The following RAP1GDS1 variants were observed in gnomAD, a reference collection of about 807,000 sequenced individuals.
The protein encoded by RAP1GDS1 is Rap1 GTPase-GDP dissociation stimulator 1.
Under a neutral mutation model 71.1 loss-of-function variants are expected in RAP1GDS1, and 35 were observed. The observed-to-expected ratio is 0.49, with a 90% CI of 0.38 to 0.65. The LOEUF is 0.65. RAP1GDS1 is among the 30% of genes least tolerant of loss of function. The probability of loss-of-function intolerance (pLI) is 0.00; values close to 1 mark genes in which losing one functional copy is unlikely to be tolerated. For synonymous variants in RAP1GDS1, 229 were observed against 243.1 expected (o/e 0.94, Z 0.54); for missense variants, 663 against 706.1 (o/e 0.94, Z 0.69).
intron 3 of RAP1GDS1, among the ~76,000 whole-genome samples, chr4:98,350,681 T>C (rs1297373825): frequency 6.6e-6 from 1 of 151,988 alleles, no homozygotes; most frequent in East Asian, 1.9e-4. Context: ...CTACTAAAAA[T>C]ACAAAAATTA....
intron 1 of RAP1GDS1, among the ~76,000 whole-genome samples, chr4:98,267,639 C>A (rs1455910268): frequency 1.3e-5 from 2 of 152,146 alleles, no homozygotes; most frequent in Non-Finnish European, 2.9e-5. Context: ...AGGATAGTGG[C>A]CTCCAGCTCC....
At chr4:98,265,291 G>A (rs1328775993) in intron 1 of RAP1GDS1, among the ~76,000 whole-genome samples, 1 of 152,166 alleles carries the variant, frequency 6.6e-6, no homozygotes, top group East Asian at 1.9e-4. Flanking sequence ...TGATAATGAG[G>A]ATACGAGAAT....
chr4:98,438,784 G>A (rs186149750), intron 14 of RAP1GDS1, among the ~76,000 whole-genome samples: 54 of 151,274 alleles, frequency 3.6e-4, no homozygotes, highest in Admixed American at 1.3e-3. Flanking sequence ...TAGTACAGGC[G>A]GGGTTTCACT....
At chr4:98,394,020 T>C (rs1425810128) in intron 6 of RAP1GDS1, among the ~76,000 whole-genome samples, 2 of 152,126 alleles carry the variant, frequency 1.3e-5, no homozygotes, top group Non-Finnish European at 2.9e-5. Flanking sequence ...GTTAAGGCCC[T>C]CCCTTTTGAA....
chr4:98,366,438 A>G (rs1739504762), intron 4 of RAP1GDS1, among the ~76,000 whole-genome samples: 1 of 152,168 alleles, frequency 6.6e-6, no homozygotes, highest in Admixed American at 6.5e-5. Flanking sequence ...CAGCAGCATG[A>G]AAACAAACTA....
chr4:98,286,256 C>A (rs1042915678), intron 1 of RAP1GDS1, among the ~76,000 whole-genome samples: 3 of 150,052 alleles, frequency 2.0e-5, no homozygotes, highest in South Asian at 2.1e-4. Flanking sequence ...CAGAGTGAGA[C>A]CCTGTCTCAA....
intron 5 of RAP1GDS1, among the ~76,000 whole-genome samples, chr4:98,391,653 A>T (rs2110127188): frequency 6.6e-6 from 1 of 152,194 alleles, no homozygotes; most frequent in African/African-American, 2.4e-5. Context: ...ATACTTATTA[A>T]AAGCCTGCTT....
chr4:98,376,595 T>A (rs71612626), intron 4 of RAP1GDS1, among the ~76,000 whole-genome samples: 3,562 of 152,032 alleles, frequency 0.023, 55 homozygotes, highest in Non-Finnish European at 0.033. Context: ...TAAATATTTT[T>A]AAAAAAATGC....
intron 2 of RAP1GDS1, among the ~76,000 whole-genome samples, chr4:98,307,157 A>G (rs1255742811): frequency 6.6e-6 from 1 of 151,904 alleles, no homozygotes; most frequent in Non-Finnish European, 1.5e-5. Flanking sequence ...AATTTTCCTA[A>G]TACAATGTGT....
intron 6 of RAP1GDS1, among the ~76,000 whole-genome samples, chr4:98,398,121 A>C (rs1026072963): frequency 6.6e-6 from 1 of 152,154 alleles, no homozygotes; most frequent in Non-Finnish European, 1.5e-5. Flanking sequence ...TAAATAGAGA[A>C]AAGCAACAGT....
At chr4:98,336,280 T>C (rs995850503) in intron 2 of RAP1GDS1, among the ~76,000 whole-genome samples, 2 of 152,198 alleles carry the variant, frequency 1.3e-5, no homozygotes, top group African/African-American at 4.8e-5. Flanking sequence ...GTTTACATTC[T>C]CAATAAATAT....
intron 2 of RAP1GDS1, among the ~76,000 whole-genome samples, chr4:98,302,175 C>T (rs1367592304): frequency 6.6e-6 from 1 of 152,158 alleles, no homozygotes; most frequent in East Asian, 1.9e-4. Flanking sequence ...TTGCAGTTAT[C>T]ATTAACAGAA....
chr4:98,323,085 G>A (rs975307893), intron 2 of RAP1GDS1, among the ~76,000 whole-genome samples: 2 of 151,028 alleles, frequency 1.3e-5, no homozygotes, highest in Admixed American at 6.6e-5. Context: ...AATGATAAAG[G>A]GGATATCACC....
chr4:98,342,062 A>C (rs1735572664), intron 2 of RAP1GDS1, among the ~76,000 whole-genome samples: 1 of 152,088 alleles, frequency 6.6e-6, no homozygotes, highest in Admixed American at 6.6e-5. Flanking sequence ...TCATTCCCCA[A>C]GTAGATTTTA....
chr4:98,341,696 T>A (rs1418603878), intron 2 of RAP1GDS1, among the ~76,000 whole-genome samples: 1 of 150,646 alleles, frequency 6.6e-6, no homozygotes, highest in Non-Finnish European at 1.5e-5. Context: ...TAAGTTTAGT[T>A]CTTTATGGCT....
intron 2 of RAP1GDS1, among the ~76,000 whole-genome samples, chr4:98,331,134 A>G (rs1475810713): frequency 1.3e-5 from 2 of 152,212 alleles, no homozygotes; most frequent in Non-Finnish European, 2.9e-5. Context: ...GTCTCCACCA[A>G]AAAATACAAA....
At chr4:98,322,925 C>A (rs1187518455) in intron 2 of RAP1GDS1, among the ~76,000 whole-genome samples, 1 of 114,494 alleles carries the variant, frequency 8.7e-6, no homozygotes, top group African/African-American at 6.5e-5. Context: ...AAAATCAGAG[C>A]AGAACTGAAG....
chr4:98,346,868 A>T (rs1736383586), intron 3 of RAP1GDS1, among the ~76,000 whole-genome samples: 1 of 152,238 alleles, frequency 6.6e-6, no homozygotes, highest in Non-Finnish European at 1.5e-5. Flanking sequence ...AAACAAGGGC[A>T]GTACAAAGAG....
At chr4:98,262,133 T>TA (rs2110213527) in intron 1 of RAP1GDS1, among the ~76,000 whole-genome samples, 1 of 152,292 alleles carries the variant, frequency 6.6e-6, no homozygotes, top group South Asian at 2.1e-4. Flanking sequence ...GACAGCCTCA[T>TA]AGGTTGAAAG....
Sources: gnomAD v4.1 joint callset for allele counts (sites outside exome capture counted in the v4.1 genomes callset) on GRCh38, gnomAD v4.1.1 for gene constraint, MANE v1.5 for transcripts, NCBI Gene and HGNC (gene_info 2026-07-23, HGNC 2026-07-21) for gene names.